The following ZNF891 variants were observed in gnomAD, a reference collection of about 807,000 sequenced individuals.
ZNF891 encodes the protein zinc finger protein 891.
For missense variants in ZNF891, 589 were observed against 632.7 expected (o/e 0.93, Z 0.74); for synonymous variants, 199 against 209.0 (o/e 0.95, Z 0.41).
At position 133,107,334 on chromosome 12, in the gene ZNF891, A is replaced by G. The variant is rs1464851806; in HGVS notation, c.*12950T>C. 6.6e-6 allele frequency: 1 copy of G among 152,246 alleles called. No individual in the cohort carries two copies. Among genetic ancestry groups the G allele is most frequent in the East Asian group, 1.9e-4 (1 of 5,204 alleles). The allele number at this position is 152,246 out of a possible 1,614,324, so 9.4% of individuals were successfully genotyped here. ...AAAAGTCATACTGGATGGAATCTGTAGGAAACGGTTCTATTTTGAGGGAAG... is the reference window on the plus strand; with the variant it reads ...AAAAGTCATACTGGATGGAATCTGTGGGAAACGGTTCTATTTTGAGGGAAG... On this transcript the variant is annotated 3_prime_UTR_variant, in exon 2 of 2. Coordinates refer to ENST00000537226, the MANE Select transcript of ZNF891 (RefSeq NM_001277291.2).
chr12:133,122,561 G>C (rs942086033), intron 1 of ZNF891, among the ~76,000 whole-genome samples: 2 of 152,164 alleles, frequency 1.3e-5, no homozygotes, highest in Non-Finnish European at 2.9e-5. Flanking sequence ...AGAACATACG[G>C]ACACAGGGTG....
chr12:133,107,360 G>A lies in ZNF891; in HGVS notation c.*12924C>T, dbSNP rs545638093. 6.6e-6 allele frequency: 1 copy of A among 152,204 alleles called. No individual in the cohort carries two copies. Among genetic ancestry groups the A allele is most frequent in the East Asian group, 1.9e-4 (1 of 5,184 alleles). The allele number at this position is 152,204 out of a possible 1,614,324, so 9.4% of individuals were successfully genotyped here. On this transcript the variant is annotated 3_prime_UTR_variant, in exon 2 of 2. Coordinates refer to ENST00000537226, the MANE Select transcript of ZNF891 (RefSeq NM_001277291.2). ...GGAAACGGTTCTATTTTGAGGGAAG[G>A]GGGATTCCTTTTTGTTTTTTAAGTG... is the stretch of plus-strand genomic sequence containing the variant.
At position 133,120,283 on chromosome 12, in the gene ZNF891, C is replaced by T; in HGVS notation, c.*1G>A. ...AAACAGCAATTCCACATTCATAACACTTACAGGGTTTCTCTCTCAGTATGA... is the reference window on the plus strand; with the variant it reads ...AAACAGCAATTCCACATTCATAACATTTACAGGGTTTCTCTCTCAGTATGA... On this transcript the variant is annotated 3_prime_UTR_variant, in exon 2 of 2. Transcript: ENST00000537226. 6.5e-7 allele frequency: 1 copy of T among 1,526,930 alleles called. No homozygotes were observed. The highest frequency in any genetic ancestry group is 8.8e-7 in the Non-Finnish European group (1 of 1,139,304). 94.6% of individuals were successfully genotyped at this position (1,526,930 alleles called of 1,614,324 possible).
At chr12:133,123,849 C>T (rs1955788927) in intron 1 of ZNF891, among the ~76,000 whole-genome samples, 1 of 152,060 alleles carries the variant, frequency 6.6e-6, no homozygotes, top group African/African-American at 2.4e-5. Context: ...CCCTTCATTC[C>T]TCATAGTTTT....
At position 133,120,753 on chromosome 12, in the gene ZNF891, G is replaced by C. The variant is rs768543852; in HGVS notation, c.1166C>G (p.Thr389Arg). The change falls in exon 2 of 2, where the codon ACA becomes AGA. Residue 389 changes from threonine to arginine, a missense_variant. By Grantham distance (71) the Thr-to-Arg change is moderately conservative. Coordinates refer to ENST00000537226, the MANE Select transcript of ZNF891 (RefSeq NM_001277291.2). ...AGTTCTCATGTGAGCCTTAAGGGAT[G>C]TTTTTTGACTGAAAGCTTTTCCACA... ...NQCGKAFSQKTSLKAHMRTHT... is the reference protein window; with the variant it reads ...NQCGKAFSQKRSLKAHMRTHT... 3 of 1,568,140 alleles carry C rather than the reference G, an allele frequency of 1.9e-6. No individual in the cohort carries two copies. The highest frequency in any genetic ancestry group is 1.2e-5 in the South Asian group (1 of 85,552).
rs1028019768 is a variant in ZNF891, at chr12:133,115,875, G to A, written c.*4409C>T. 1 of 152,128 alleles carries A rather than the reference G, an allele frequency of 6.6e-6. No homozygotes were observed. The highest frequency in any genetic ancestry group is 2.4e-5 in the African/African-American group (1 of 41,430). The allele number at this position is 152,128 out of a possible 1,614,324, so 9.4% of individuals were successfully genotyped here. On this transcript the variant is annotated 3_prime_UTR_variant, in exon 2 of 2. Transcript: ENST00000537226. Reference sequence around the variant, plus strand: ...CCTACTAGTTGAGCATCACAAATCTGAAAATCCAAAATTTTAAATGCTCCA... The same window carrying A: ...CCTACTAGTTGAGCATCACAAATCTAAAAATCCAAAATTTTAAATGCTCCA...
In ZNF891 at chr12:133,104,916, C is replaced by T. The variant is rs1264086217; in HGVS notation, c.*15368G>A. The stretch of plus-strand genomic sequence containing the variant: ...TCACCCAGGTAATCAGCATAATGCC[C>T]AATAGTCAGGTTTTTAATCCTTACC... On this transcript the variant is annotated 3_prime_UTR_variant, in exon 2 of 2. Transcript: ENST00000537226. 6.6e-6 allele frequency among the ~76,000 whole-genome samples: 1 copy of T among 152,036 alleles called. No individual in the cohort carries two copies. Among genetic ancestry groups the T allele is most frequent in the African/African-American group, 2.4e-5 (1 of 41,382 alleles).
chr12:133,129,823 T>C (rs998360972), intron 1 of ZNF891, among the ~76,000 whole-genome samples: 1 of 152,036 alleles, frequency 6.6e-6, no homozygotes, highest in East Asian at 1.9e-4. Flanking sequence ...TATAAGGCAA[T>C]AGGTGAAAAA....
intron 1 of ZNF891, among the ~76,000 whole-genome samples, chr12:133,123,885 T>C (rs1440587089): frequency 6.6e-6 from 1 of 152,118 alleles, no homozygotes; most frequent in Non-Finnish European, 1.5e-5. Context: ...ATAGCACTAA[T>C]TACAAACACT....
intron 1 of ZNF891, 134 bp from the exon 2 acceptor site, chr12:133,122,158 T>C: frequency 7.9e-7 from 1 of 1,260,276 alleles, no homozygotes; most frequent in South Asian, 2.5e-5. Context: ...AAATCTTTAC[T>C]GGGATTTGTA....
At chr12:133,125,888 G>A (rs1955810682) in intron 1 of ZNF891, 1 of 500,194 alleles carries the variant, frequency 2.0e-6, no homozygotes, top group African/African-American at 1.9e-5. Context: ...AGAGAAGAAG[G>A]CATATGTTTG....
chr12:133,105,398 C>G lies in ZNF891; in HGVS notation c.*14886G>C. On this transcript the variant is annotated 3_prime_UTR_variant, in exon 2 of 2. Coordinates refer to ENST00000537226, the MANE Select transcript of ZNF891 (RefSeq NM_001277291.2). ...ATTTCAGTCACAGCTGTGAAAGCTG[C>G]TATTGATAAGATTTTTTGAAACTTC... is the stretch of plus-strand genomic sequence containing the variant. 8.9e-7 allele frequency: 1 copy of G among 1,117,812 alleles called. No homozygotes were observed. Among genetic ancestry groups the G allele is most frequent in the South Asian group, 1.7e-5 (1 of 58,664 alleles). 69.2% of individuals were successfully genotyped at this position (1,117,812 alleles called of 1,614,324 possible). A position where few individuals can be genotyped will look rare whatever the true frequency, so the allele number is the denominator to read the frequency against.
Position 133,106,194 on chromosome 12 carries a change from G to T in ZNF891, c.*14090C>A. On this transcript the variant is annotated 3_prime_UTR_variant, in exon 2 of 2. Coordinates refer to ENST00000537226, the MANE Select transcript of ZNF891 (RefSeq NM_001277291.2). Reference sequence around the variant, plus strand: ...GAGAAACCTTATGAATGCATTGAATGTGGGAAGGCATTTCGCCGTTTCTCA... The same window carrying T: ...GAGAAACCTTATGAATGCATTGAATTTGGGAAGGCATTTCGCCGTTTCTCA... 1.4e-5 allele frequency: 22 copies of T among 1,614,206 alleles called. No individual in the cohort carries two copies. The highest frequency in any genetic ancestry group is 1.8e-5 in the Non-Finnish European group (21 of 1,180,030).
Position 133,106,877 on chromosome 12 carries a change from A to G in ZNF891, c.*13407T>C. On this transcript the variant is annotated 3_prime_UTR_variant, in exon 2 of 2. Transcript: ENST00000537226. Reference sequence around the variant, plus strand: ...TTTTTGCAATAACAAGGTGAAATCAATATTGTTGAGAAGATTCTTCCATCT... The same window carrying G: ...TTTTTGCAATAACAAGGTGAAATCAGTATTGTTGAGAAGATTCTTCCATCT... 2 of 378,998 alleles carry G rather than the reference A, an allele frequency of 5.3e-6. No homozygotes were observed. The highest frequency in any genetic ancestry group is 5.3e-5 in the South Asian group (1 of 18,958). 23.5% of individuals were successfully genotyped at this position (378,998 alleles called of 1,614,324 possible). A position where few individuals can be genotyped will look rare whatever the true frequency, so the allele number is the denominator to read the frequency against.
In ZNF891 at chr12:133,108,826, AGT is replaced by A. The variant is rs1446143534; in HGVS notation, c.*11456_*11457del. The A allele has an allele frequency of 6.6e-6, 1 of 152,250 alleles. No individual in the cohort carries two copies. Among genetic ancestry groups the A allele is most frequent in the Non-Finnish European group, 1.5e-5 (1 of 68,040 alleles). The allele number at this position is 152,250 out of a possible 1,614,324, so 9.4% of individuals were successfully genotyped here. ...AAAGCAACTGTATAAATGAATGTAG[AGT>A]GAATTTCTGCAATATTTCAAACCTA... On this transcript the variant is annotated 3_prime_UTR_variant, in exon 2 of 2. Transcript: ENST00000537226.
chr12:133,120,747 A>C lies in ZNF891; in HGVS notation c.1172T>G (p.Leu391Arg), dbSNP rs1955748273. Residue 391 changes from leucine (L) to arginine (R), a missense_variant, in exon 2 of 2, where the codon CTT becomes CGT. Leu to Arg is a moderately radical substitution (Grantham distance 102). Transcript: ENST00000537226. ...AGTGTGAGTTCTCATGTGAGCCTTA[A>C]GGGATGTTTTTTGACTGAAAGCTTT... ...CGKAFSQKTS[L>R]KAHMRTHTGE... 1.9e-6 allele frequency: 3 copies of C among 1,567,958 alleles called. No homozygotes were observed. The highest frequency in any genetic ancestry group is 1.7e-6 in the Non-Finnish European group (2 of 1,157,198).
intron 1 of ZNF891, chr12:133,125,491 G>A (rs1449784099): frequency 1.2e-5 from 2 of 163,210 alleles, no homozygotes; most frequent in Admixed American, 1.3e-4. Flanking sequence ...GGCACTGATG[G>A]CGAAGAAGGA....
At position 133,110,186 on chromosome 12, in the gene ZNF891, T is replaced by C. The variant is rs1247579869; in HGVS notation, c.*10098A>G. On this transcript the variant is annotated 3_prime_UTR_variant, in exon 2 of 2. Transcript: ENST00000537226. ...TTTCATAACAATATCTGGTGGATTA[T>C]AAAATACACCGAAGTAAATAGCACG... 6.6e-6 allele frequency: 1 copy of C among 152,238 alleles called. No homozygotes were observed. Among genetic ancestry groups the C allele is most frequent in the Non-Finnish European group, 1.5e-5 (1 of 68,044 alleles). 9.4% of individuals were successfully genotyped at this position (152,238 alleles called of 1,614,324 possible). A position where few individuals can be genotyped will look rare whatever the true frequency, so the allele number is the denominator to read the frequency against.
chr12:133,123,125 T>C (rs968217393), intron 1 of ZNF891, among the ~76,000 whole-genome samples: 1 of 152,188 alleles, frequency 6.6e-6, no homozygotes, highest in African/African-American at 2.4e-5. Context: ...TGTACATCAA[T>C]AGAACTCAGT....
Sources: allele counts gnomAD v4.1 joint callset (sites outside exome capture counted in the v4.1 genomes callset), GRCh38; gene constraint gnomAD v4.1.1; transcripts MANE v1.5; gene names NCBI Gene and HGNC (gene_info 2026-07-23, HGNC 2026-07-21).